The following HPSE2 variants were observed in gnomAD, a reference collection of about 807,000 sequenced individuals.
HPSE2 encodes the protein heparanase 2 (inactive), also known as inactive heparanase-2.
HPSE2 carries 38 observed loss-of-function variants against 60.5 expected under a neutral mutation model. That is an observed-to-expected ratio of 0.63 (90% CI 0.48 to 0.82). The LOEUF (loss-of-function observed/expected upper bound fraction) is 0.82. HPSE2 is among the 40% of genes least tolerant of loss of function. HPSE2 has a pLI of 0.00. For missense variants in HPSE2, 713 were observed against 740.4 expected, an observed-to-expected ratio of 0.96 and a Z score of 0.43; for synonymous variants, 295 against 293.2, an observed-to-expected ratio of 1.01 and a Z score of -0.06.
chr10:99,052,552 CT>C (rs1356195699), intron 3 of HPSE2, among the ~76,000 whole-genome samples: 4 of 151,928 alleles, frequency 2.6e-5, no homozygotes, highest in Admixed American at 2.6e-4. Flanking sequence ...AAAACATTGA[CT>C]TTTAGATCCA....
chr10:98,989,186 C>T (rs188819064), intron 3 of HPSE2, among the ~76,000 whole-genome samples: 10 of 152,224 alleles, frequency 6.6e-5, no homozygotes, highest in Non-Finnish European at 2.9e-5. Flanking sequence ...GCTATAAAGA[C>T]ACATGCACAC....
intron 2 of HPSE2, among the ~76,000 whole-genome samples, chr10:99,167,200 G>A (rs772188697): frequency 7.2e-5 from 11 of 151,956 alleles, no homozygotes; most frequent in African/African-American, 2.7e-4. Context: ...TAGCAGAGAC[G>A]GAGTTTCACC....
chr10:98,944,356 C>CG (rs1462508045), intron 3 of HPSE2, among the ~76,000 whole-genome samples: 1 of 152,076 alleles, frequency 6.6e-6, no homozygotes, highest in Non-Finnish European at 1.5e-5. Flanking sequence ...ACAAGCCTCT[C>CG]GGTCACTCTG....
At position 99,087,202 on chromosome 10, in the gene HPSE2, T is replaced by C. The variant is rs191034921; in HGVS notation, c.610+57036A>G. 2.7e-3 allele frequency among the ~76,000 whole-genome samples: 418 copies of C among 152,354 alleles called. 4 individuals carry two copies. The highest frequency in any genetic ancestry group is 4.8e-3 in the East Asian group (25 of 5,194). On this transcript the variant is annotated intron_variant, in intron 3 of 11. Coordinates refer to ENST00000370552, the MANE Select transcript of HPSE2 (RefSeq NM_021828.5). ...TCAAAAGCATATTTGCAGATCATAA[T>C]GTTTGTAAACTTAAATAGTAATGGG...
In HPSE2 at chr10:99,160,345, G is replaced by A. The variant is rs79692021; in HGVS notation, c.449-15946C>T. On this transcript the variant is annotated intron_variant, in intron 2 of 11. Coordinates refer to ENST00000370552, the MANE Select transcript of HPSE2 (RefSeq NM_021828.5). ...TTATATATAATATCATTATTCATTA[G>A]AGAAATGCAAACTAAAACCACAATG... is the stretch of plus-strand genomic sequence containing the variant. Among the ~76,000 whole-genome samples the A allele has an allele frequency of 4.1e-3, 623 of 152,174 alleles. 17 individuals are homozygous for A. The East Asian group carries it at 0.08, about 19-fold the overall frequency.
the HPSE2 span, among the ~76,000 whole-genome samples, chr10:99,256,992 T>C: frequency 6.6e-6 from 1 of 152,200 alleles, no homozygotes; most frequent in Non-Finnish European, 1.5e-5. Context: ...AAATCAATAT[T>C]TTTATAATTT....
At chr10:98,852,278 A>ATCCAG (rs1952201137) in intron 3 of HPSE2, among the ~76,000 whole-genome samples, 1 of 151,978 alleles carries the variant, frequency 6.6e-6, no homozygotes, top group Non-Finnish European at 1.5e-5. Flanking sequence ...CTCTGACCTT[A>ATCCAG]TCCAGTCCTC....
At chr10:98,908,632 G>A (rs1953890798) in intron 3 of HPSE2, among the ~76,000 whole-genome samples, 2 of 133,390 alleles carry the variant, frequency 1.5e-5, no homozygotes, top group Admixed American at 8.7e-5. Flanking sequence ...GTGGTGAGCC[G>A]AGATCGTGCC....
At chr10:98,544,651 T>A (rs1943597541) in intron 9 of HPSE2, among the ~76,000 whole-genome samples, 1 of 133,610 alleles carries the variant, frequency 7.5e-6, no homozygotes, top group South Asian at 2.3e-4. Flanking sequence ...AGGCGGAGCT[T>A]GCAGTGAGCC....
intron 2 of HPSE2, among the ~76,000 whole-genome samples, chr10:99,188,277 G>A (rs1025991106): frequency 6.6e-6 from 1 of 152,198 alleles, no homozygotes; most frequent in African/African-American, 2.4e-5. Flanking sequence ...CCTAGGGTGA[G>A]TGGGGTGAAG....
intron 3 of HPSE2, among the ~76,000 whole-genome samples, chr10:98,886,010 A>G (rs2134904318): frequency 1.3e-5 from 2 of 152,290 alleles, no homozygotes; most frequent in African/African-American, 4.8e-5. Flanking sequence ...ATTATCTGCC[A>G]AAAAATTCAT....
intron 9 of HPSE2, among the ~76,000 whole-genome samples, chr10:98,546,020 G>C (rs1447402931): frequency 1.5e-5 from 2 of 133,610 alleles, no homozygotes; most frequent in East Asian, 5.2e-4. Context: ...CAGACAAACA[G>C]AGAGCCAAAT....
chr10:98,747,104 A>T (rs923901106), intron 3 of HPSE2, among the ~76,000 whole-genome samples: 8 of 152,058 alleles, frequency 5.3e-5, no homozygotes, highest in African/African-American at 1.9e-4. Flanking sequence ...GTATTATAAG[A>T]TCAACAGAGG....
At chr10:98,801,731 T>C (rs1298187045) in intron 3 of HPSE2, among the ~76,000 whole-genome samples, 3 of 152,068 alleles carry the variant, frequency 2.0e-5, no homozygotes, top group Admixed American at 6.6e-5. Context: ...TGTTCATGGA[T>C]TGGAAGAATC....
chr10:98,480,681 C>A (rs1325059940), intron 11 of HPSE2, among the ~76,000 whole-genome samples: 1 of 152,124 alleles, frequency 6.6e-6, no homozygotes, highest in Non-Finnish European at 1.5e-5. Context: ...TCTGTTTCAT[C>A]CTTTTGCTTT....
chr10:98,894,774 G>A (rs1216084761), intron 3 of HPSE2, among the ~76,000 whole-genome samples: 1 of 151,870 alleles, frequency 6.6e-6, no homozygotes, highest in Non-Finnish European at 1.5e-5. Context: ...TTTTCAGATT[G>A]AGGAATAACA....
intron 9 of HPSE2, among the ~76,000 whole-genome samples, chr10:98,580,198 T>A (rs1402786491): frequency 6.6e-6 from 1 of 152,182 alleles, no homozygotes; most frequent in Non-Finnish European, 1.5e-5. Context: ...TTTTAAAATT[T>A]TTTTCAGTGA....
At chr10:98,755,326 T>C (rs1949853758) in intron 3 of HPSE2, among the ~76,000 whole-genome samples, 1 of 152,138 alleles carries the variant, frequency 6.6e-6, no homozygotes, top group South Asian at 2.1e-4. Context: ...GACTTAAATA[T>C]CCTAAACATA....
intron 5 of HPSE2, among the ~76,000 whole-genome samples, chr10:98,701,695 A>G (rs1039726067): frequency 3.3e-5 from 5 of 152,116 alleles, no homozygotes; most frequent in Non-Finnish European, 2.9e-5. Flanking sequence ...AGAATTTCAA[A>G]TCCAGCCAAA....
Sources: allele counts gnomAD v4.1 joint callset (sites outside exome capture counted in the v4.1 genomes callset), GRCh38; gene constraint gnomAD v4.1.1; transcripts MANE v1.5; gene names NCBI Gene and HGNC (gene_info 2026-07-23, HGNC 2026-07-21).